Variants in CDH8 observed in about 807,000 individuals in gnomAD.
CDH8 encodes the protein cadherin-8.
In CDH8, 17 loss-of-function variants were observed where a neutral mutation model predicts 68.1. The observed-to-expected ratio is 0.25, with a 90% CI of 0.17 to 0.37. The LOEUF (loss-of-function observed/expected upper bound fraction) is 0.37. Among genes scored for constraint, CDH8 ranks in the 10% least tolerant of loss-of-function variants. The pLI, the probability that CDH8 is intolerant of heterozygous loss-of-function variation, is 1.00. For missense variants in CDH8, 763 were observed against 999.3 expected (o/e 0.76, Z 3.19); for synonymous variants, 372 against 365.1 (o/e 1.02, Z -0.21).
chr16:61,669,370 C>T (rs1963745559), intron 10 of CDH8, among the ~76,000 whole-genome samples: 2 of 151,952 alleles, frequency 1.3e-5, no homozygotes, highest in African/African-American at 4.8e-5. Flanking sequence ...CCCAGCATGC[C>T]GCAATACAGT....
chr16:61,997,282 T>C (rs1597116398), intron 2 of CDH8, among the ~76,000 whole-genome samples: 1 of 152,290 alleles, frequency 6.6e-6, no homozygotes, highest in South Asian at 2.1e-4. Flanking sequence ...GAAAAGAACG[T>C]AATGCATATT....
intron 2 of CDH8, among the ~76,000 whole-genome samples, chr16:61,913,066 T>A (rs549938725): frequency 6.6e-6 from 1 of 152,266 alleles, no homozygotes; most frequent in Non-Finnish European, 1.5e-5. Context: ...ATGCTAAATG[T>A]TTGGGAATAG....
At chr16:61,673,229 T>A (rs2142783009) in intron 10 of CDH8, among the ~76,000 whole-genome samples, 1 of 152,232 alleles carries the variant, frequency 6.6e-6, no homozygotes, top group African/African-American at 2.4e-5. Flanking sequence ...TATAAATTTC[T>A]ATCTTTTTAT....
intron 3 of CDH8, among the ~76,000 whole-genome samples, chr16:61,863,618 CT>C (rs772544055): frequency 2.6e-5 from 4 of 152,098 alleles, no homozygotes; most frequent in Non-Finnish European, 4.4e-5. Context: ...AGCTAAAACT[CT>C]TATGATCAGA....
At chr16:61,780,487 C>T (rs1198877317) in intron 8 of CDH8, among the ~76,000 whole-genome samples, 1 of 152,188 alleles carries the variant, frequency 6.6e-6, no homozygotes, top group Non-Finnish European at 1.5e-5. Context: ...TGCTAAAATC[C>T]ACTTTTTAGC....
intron 3 of CDH8, among the ~76,000 whole-genome samples, chr16:61,864,486 C>T (rs1455736777): frequency 6.6e-6 from 1 of 152,194 alleles, no homozygotes; most frequent in Non-Finnish European, 1.5e-5. Context: ...ATCTCTCTGA[C>T]TGATACCATA....
At chr16:61,793,765 G>A (rs1172575905) in intron 7 of CDH8, among the ~76,000 whole-genome samples, 1 of 151,922 alleles carries the variant, frequency 6.6e-6, no homozygotes, top group Non-Finnish European at 1.5e-5. Context: ...TTGGGTATAT[G>A]CCCAGTAATG....
intron 4 of CDH8, among the ~76,000 whole-genome samples, chr16:61,825,513 T>G (rs1224204050): frequency 6.6e-6 from 1 of 151,860 alleles, no homozygotes; most frequent in African/African-American, 2.4e-5. Flanking sequence ...CAGAAAACCC[T>G]GGGAGTGAAA....
At chr16:61,861,425 C>T (rs1294910123) in intron 3 of CDH8, among the ~76,000 whole-genome samples, 1 of 152,142 alleles carries the variant, frequency 6.6e-6, no homozygotes, top group Admixed American at 6.5e-5. Flanking sequence ...CTGGAGCTTA[C>T]AAGACTGATG....
At chr16:61,953,637 G>A (rs1445193860) in intron 2 of CDH8, among the ~76,000 whole-genome samples, 1 of 151,284 alleles carries the variant, frequency 6.6e-6, no homozygotes, top group Non-Finnish European at 1.5e-5. Flanking sequence ...GAAGGCAGAG[G>A]TGGGACGATT....
chr16:62,017,288 A>G (rs891826609), intron 2 of CDH8, among the ~76,000 whole-genome samples: 1 of 152,276 alleles, frequency 6.6e-6, no homozygotes, highest in African/African-American at 2.4e-5. Flanking sequence ...GATAATGATT[A>G]TCAGGAAGAA....
chr16:61,890,206 G>A (rs1422861549), intron 3 of CDH8, among the ~76,000 whole-genome samples: 1 of 152,140 alleles, frequency 6.6e-6, no homozygotes, highest in African/African-American at 2.4e-5. Context: ...AGAACATAAA[G>A]AGACAATGTT....
chr16:61,837,958 CACTT>C (rs1031647732), intron 4 of CDH8, among the ~76,000 whole-genome samples: 2 of 152,056 alleles, frequency 1.3e-5, no homozygotes, highest in Non-Finnish European at 2.9e-5. Flanking sequence ...AGGCAAAAAA[CACTT>C]AGAACAGAAA....
chr16:61,944,198 C>T (rs1435092307), intron 2 of CDH8, among the ~76,000 whole-genome samples: 5 of 152,146 alleles, frequency 3.3e-5, no homozygotes, highest in Admixed American at 1.3e-4. Context: ...AAATATGTAA[C>T]GTCACAGTTC....
intron 2 of CDH8, among the ~76,000 whole-genome samples, chr16:61,992,077 T>TGTGTGTGAGAGAGA (rs34925928): frequency 2.3e-4 from 33 of 144,246 alleles, no homozygotes; most frequent in African/African-American, 8.6e-4. Flanking sequence ...TGTGTGTGTG[T>TGTGTGTGAGAGAGA]GAGAGAGAGA....
chr16:61,982,420 C>T (rs1204275667), intron 2 of CDH8, among the ~76,000 whole-genome samples: 1 of 152,090 alleles, frequency 6.6e-6, no homozygotes, highest in East Asian at 1.9e-4. Context: ...GGGGTTTCAC[C>T]GTGTTAGCCG....
At chr16:61,891,854 T>C (rs1194387522) in intron 3 of CDH8, among the ~76,000 whole-genome samples, 1 of 152,158 alleles carries the variant, frequency 6.6e-6, no homozygotes, top group Non-Finnish European at 1.5e-5. Context: ...CAAGATATGC[T>C]TTTCCCGTTT....
At chr16:61,884,715 C>A (rs2143153753) in intron 3 of CDH8, among the ~76,000 whole-genome samples, 1 of 152,220 alleles carries the variant, frequency 6.6e-6, no homozygotes, top group Admixed American at 6.5e-5. Flanking sequence ...ATTTAGCTTA[C>A]TTTATTGTAA....
At chr16:61,997,877 A>C (rs558978946) in intron 2 of CDH8, among the ~76,000 whole-genome samples, 1 of 152,308 alleles carries the variant, frequency 6.6e-6, no homozygotes, top group Non-Finnish European at 1.5e-5. Flanking sequence ...AATTTCAAGA[A>C]AGTCTGTGAA....
Sources: allele counts gnomAD v4.1 joint callset (sites outside exome capture counted in the v4.1 genomes callset), GRCh38; gene constraint gnomAD v4.1.1; transcripts MANE v1.5; gene names NCBI Gene and HGNC (gene_info 2026-07-23, HGNC 2026-07-21).